The following THSD4 variants were observed in gnomAD, a reference collection of about 807,000 sequenced individuals.
THSD4 encodes thrombospondin type-1 domain-containing protein 4.
THSD4 carries 69 observed loss-of-function variants against 119.0 expected under a neutral mutation model. The ratio of observed to expected loss-of-function variants is 0.58; its 90% CI spans 0.48 to 0.71. The LOEUF (loss-of-function observed/expected upper bound fraction) is 0.71, where lower values mean the gene tolerates loss of function less well. THSD4 is among the 30% of genes least tolerant of loss of function. THSD4 has a pLI of 0.00. For synonymous variants in THSD4, 524 were observed against 540.4 expected, an observed-to-expected ratio of 0.97 and a Z score of 0.42; for missense variants, 1,393 against 1,391.1, an observed-to-expected ratio of 1.00 and a Z score of -0.02.
chr15:71,300,664 G>A (rs1325803641), intron 6 of THSD4, among the ~76,000 whole-genome samples: 4 of 152,166 alleles, frequency 2.6e-5, no homozygotes, highest in Non-Finnish European at 4.4e-5. Context: ...AAAAACTATA[G>A]TAAAAATCTA....
At chr15:71,602,651 A>G (rs1195437599) in intron 7 of THSD4, among the ~76,000 whole-genome samples, 1 of 151,460 alleles carries the variant, frequency 6.6e-6, no homozygotes, top group Non-Finnish European at 1.5e-5. Flanking sequence ...TTTAGAGACC[A>G]CTAAAACCAA....
intron 8 of THSD4, among the ~76,000 whole-genome samples, chr15:71,688,277 T>G (rs1212748492): frequency 6.6e-6 from 1 of 152,246 alleles, no homozygotes; most frequent in African/African-American, 2.4e-5. Flanking sequence ...TCCCAAAGGT[T>G]ACAAAGAACA....
intron 7 of THSD4, among the ~76,000 whole-genome samples, chr15:71,550,242 C>T (rs2048905998): frequency 6.6e-6 from 1 of 152,158 alleles, no homozygotes; most frequent in Admixed American, 6.5e-5. Flanking sequence ...CAGGATGCAG[C>T]AGAATGGCGG....
At chr15:71,708,621 T>C (rs1249943985) in intron 8 of THSD4, among the ~76,000 whole-genome samples, 1 of 152,190 alleles carries the variant, frequency 6.6e-6, no homozygotes, top group Non-Finnish European at 1.5e-5. Context: ...AGGCATCACA[T>C]ATATATATGC....
chr15:71,694,742 T>TGTAGC (rs2052126743), intron 8 of THSD4, among the ~76,000 whole-genome samples: 1 of 152,320 alleles, frequency 6.6e-6, no homozygotes, highest in South Asian at 2.1e-4. Flanking sequence ...TATAACTCTG[T>TGTAGC]GTAGCTTTGT....
intron 7 of THSD4, among the ~76,000 whole-genome samples, chr15:71,573,554 C>T (rs2049397576): frequency 6.6e-6 from 1 of 152,128 alleles, no homozygotes; most frequent in Non-Finnish European, 1.5e-5. Context: ...CAATAGTTCC[C>T]TTTTTCCCTC....
chr15:71,426,878 A>G (rs1212167331), intron 7 of THSD4, among the ~76,000 whole-genome samples: 1 of 152,214 alleles, frequency 6.6e-6, no homozygotes, highest in African/African-American at 2.4e-5. Context: ...AAAATTATTC[A>G]GTAAATGTTT....
At chr15:71,427,311 A>G (rs80114656) in intron 7 of THSD4, among the ~76,000 whole-genome samples, 2 of 152,094 alleles carry the variant, frequency 1.3e-5, no homozygotes, top group African/African-American at 2.4e-5. Context: ...TTCTACTCAA[A>G]TTGAGCTTAA....
rs368007595 is a variant in THSD4, at chr15:71,154,917, C to T, written c.84C>T (p.Ser28=). 1.1e-5 allele frequency: 18 copies of T among 1,614,140 alleles called. No homozygotes were observed. In the African/African-American group the frequency reaches 2.1e-4, roughly 19 times the overall value. ...TCCAGTTCGTCTGCCCACAGCCCTC[C>T]ACTCAACACAGGAAGGTAAGCCATG... The part of the protein sequence containing the change: ...LGFQFVCPQP[S]TQHRKVPQRM... The change falls in exon 3 of 18, where the codon TCC becomes TCT. Residue 28 remains serine, a synonymous_variant. Coordinates refer to ENST00000261862, the MANE Select transcript of THSD4 (RefSeq NM_024817.3).
chr15:71,499,250 A>T (rs914841621), intron 7 of THSD4, among the ~76,000 whole-genome samples: 2 of 151,854 alleles, frequency 1.3e-5, no homozygotes, highest in Admixed American at 6.6e-5. Flanking sequence ...TGCCAGCAGC[A>T]CCTCCTTCTA....
chr15:71,507,404 T>G (rs4776557), intron 7 of THSD4, among the ~76,000 whole-genome samples: 147,943 of 152,248 alleles, frequency 0.97, 72,028 homozygotes, highest in East Asian at 1. Context: ...TTTGCTCTTA[T>G]TTCTCTCATA....
chr15:71,613,318 T>C (rs1292319658), intron 7 of THSD4, among the ~76,000 whole-genome samples: 2 of 152,208 alleles, frequency 1.3e-5, no homozygotes, highest in African/African-American at 4.8e-5. Context: ...TTGGTTAATT[T>C]GGTATCATTT....
chr15:71,608,280 A>ACACACACT lies in THSD4; in HGVS notation c.1153-52247_1153-52246insACACTCAC, dbSNP rs1178028968. On this transcript the variant is annotated intron_variant, in intron 7 of 17. Transcript: ENST00000261862. ...CACACACACACACACACACACACAC[A>ACACACACT]CACTCATTGTAGAAAAATGATAAAA... 1.2e-3 allele frequency among the ~76,000 whole-genome samples: 182 copies of ACACACACT among 147,204 alleles called. 1 individual carries two copies. Among genetic ancestry groups the ACACACACT allele is most frequent in the Admixed American group, 2.1e-3 (31 of 14,692 alleles).
At chr15:71,459,100 C>G (rs1313483639) in intron 7 of THSD4, among the ~76,000 whole-genome samples, 1 of 151,710 alleles carries the variant, frequency 6.6e-6, no homozygotes, top group Non-Finnish European at 1.5e-5. Flanking sequence ...TCATGAATTC[C>G]TAACTTCACC....
chr15:71,507,238 G>T (rs2048204527), intron 7 of THSD4, among the ~76,000 whole-genome samples: 1 of 152,174 alleles, frequency 6.6e-6, no homozygotes, highest in South Asian at 2.1e-4. Context: ...GCACCTGCAA[G>T]CCAGTGTGCC....
At chr15:71,618,513 C>T (rs977696797) in intron 7 of THSD4, among the ~76,000 whole-genome samples, 3 of 152,192 alleles carry the variant, frequency 2.0e-5, no homozygotes, top group African/African-American at 4.8e-5. Context: ...TATACCCCGG[C>T]ATCACAGGCT....
In THSD4 at chr15:71,728,645, A is replaced by G. The variant is rs1055474769; in HGVS notation, c.1454A>G (p.Lys485Arg). Residue 485 changes from lysine (K) to arginine (R), a missense_variant, in exon 9 of 18, where the codon AAG becomes AGG. Transcript: ENST00000261862. The stretch of plus-strand genomic sequence containing the variant: ...GGCGGAGGGACCATGTTCACCTACA[A>G]GCGTCCAAATGAGATTTCGAGCACT... ...YEGGGTMFTY[K>R]RPNEISSTAG... The G allele has an allele frequency of 6.8e-6, 11 of 1,614,106 alleles. No homozygotes were observed. The African/African-American group carries it at 1.3e-4, about 20-fold the overall frequency.
intron 7 of THSD4, among the ~76,000 whole-genome samples, chr15:71,658,982 C>T (rs1281795364): frequency 1.3e-5 from 2 of 152,156 alleles, no homozygotes; most frequent in South Asian, 2.1e-4. Context: ...TTTGACTCTG[C>T]CCACAGGATT....
At chr15:71,671,676 G>A (rs2051531938) in intron 8 of THSD4, among the ~76,000 whole-genome samples, 1 of 152,166 alleles carries the variant, frequency 6.6e-6, no homozygotes, top group Non-Finnish European at 1.5e-5. Context: ...TGTAAGGAAG[G>A]GATCCAGTTT....
Sources: gnomAD v4.1 joint callset for allele counts (sites outside exome capture counted in the v4.1 genomes callset) on GRCh38, gnomAD v4.1.1 for gene constraint, MANE v1.5 for transcripts, NCBI Gene and HGNC (gene_info 2026-07-23, HGNC 2026-07-21) for gene names.